CADPS2: variants seen among roughly 807,000 people sequenced by gnomAD.
CADPS2 encodes calcium dependent secretion activator 2.
Under a neutral mutation model 172.5 loss-of-function variants are expected in CADPS2, and 93 were observed. The observed-to-expected ratio is 0.54, with a 90% CI of 0.46 to 0.64. The LOEUF is 0.64. Ranked by LOEUF, CADPS2 falls within the 30% of genes least tolerant of loss-of-function variation. CADPS2 has a pLI of 0.00. For missense variants in CADPS2, 1,420 were observed against 1,565.9 expected, an observed-to-expected ratio of 0.91 and a Z score of 1.57; for synonymous variants, 546 against 555.2, an observed-to-expected ratio of 0.98 and a Z score of 0.23.
chr7:122,883,321 T>A (rs1823451642), intron 1 of CADPS2, among the ~76,000 whole-genome samples: 2 of 152,200 alleles, frequency 1.3e-5, no homozygotes, highest in South Asian at 4.1e-4. Flanking sequence ...TGATTAATTT[T>A]CTTCATAAAA....
At chr7:122,500,886 T>C (rs1031736043) in intron 9 of CADPS2, among the ~76,000 whole-genome samples, 2 of 152,146 alleles carry the variant, frequency 1.3e-5, no homozygotes, top group African/African-American at 4.8e-5. Flanking sequence ...TTGGAAGGTA[T>C]TGTGAACTGA....
chr7:122,506,740 A>G (rs10248213), intron 9 of CADPS2, among the ~76,000 whole-genome samples: 5 of 151,782 alleles, frequency 3.3e-5, no homozygotes, highest in African/African-American at 1.2e-4. Flanking sequence ...AAAAAAAAAA[A>G]AAACAAACAA....
intron 28 of CADPS2, among the ~76,000 whole-genome samples, chr7:122,336,752 G>A (rs1379662731): frequency 6.6e-6 from 1 of 152,162 alleles, no homozygotes; most frequent in African/African-American, 2.4e-5. Context: ...TGAAAGTTGT[G>A]TCACCTTCCA....
intron 3 of CADPS2, among the ~76,000 whole-genome samples, chr7:122,652,254 T>C (rs893855924): frequency 1.3e-5 from 2 of 151,904 alleles, no homozygotes; most frequent in African/African-American, 4.8e-5. Flanking sequence ...TCTCTCTACA[T>C]ATATATATAT....
At chr7:122,338,689 GT>G (rs1457205474) in intron 28 of CADPS2, among the ~76,000 whole-genome samples, 1 of 152,132 alleles carries the variant, frequency 6.6e-6, no homozygotes, top group East Asian at 1.9e-4. Context: ...CAACTATACA[GT>G]TATTAAAAAG....
chr7:122,562,074 T>G (rs372635119), intron 7 of CADPS2, among the ~76,000 whole-genome samples: 63 of 152,316 alleles, frequency 4.1e-4, no homozygotes, highest in African/African-American at 1.5e-3. Context: ...CTACAGTGTG[T>G]TGTTTACTTA....
intron 1 of CADPS2, among the ~76,000 whole-genome samples, chr7:122,793,367 G>T (rs37895): frequency 0.44 from 66,648 of 152,006 alleles, 17,087 homozygotes; most frequent in African/African-American, 0.72. Flanking sequence ...ATTGAGCCCT[G>T]TAACAATTAT....
At chr7:122,539,064 A>G (rs2062632883) in intron 8 of CADPS2, among the ~76,000 whole-genome samples, 1 of 152,138 alleles carries the variant, frequency 6.6e-6, no homozygotes. Context: ...TTTTACAAGG[A>G]TACACAACAT....
intron 8 of CADPS2, among the ~76,000 whole-genome samples, chr7:122,530,257 A>G (rs1484930847): frequency 1.3e-5 from 2 of 151,870 alleles, no homozygotes; most frequent in Non-Finnish European, 2.9e-5. Context: ...AAATTTCAAT[A>G]TAGTTTTCAA....
At chr7:122,823,464 G>A (rs1803980179) in intron 1 of CADPS2, among the ~76,000 whole-genome samples, 1 of 151,792 alleles carries the variant, frequency 6.6e-6, no homozygotes, top group Non-Finnish European at 1.5e-5. Flanking sequence ...TACTATAAGA[G>A]TATTGGCTAT....
chr7:122,471,649 G>T, intron 13 of CADPS2, 87 bp from the exon 14 acceptor site: 3 of 1,003,240 alleles, frequency 3.0e-6, no homozygotes, highest in Non-Finnish European at 4.3e-6. Context: ...GGCCTTATAA[G>T]CAGAAGCTGC....
At chr7:122,720,268 G>A (rs1210510633) in intron 2 of CADPS2, among the ~76,000 whole-genome samples, 1 of 151,794 alleles carries the variant, frequency 6.6e-6, no homozygotes, top group African/African-American at 2.4e-5. Context: ...TTTCTAGAAG[G>A]AATTTGAGAG....
At chr7:122,520,570 A>G (rs938684371) in intron 8 of CADPS2, among the ~76,000 whole-genome samples, 5 of 152,100 alleles carry the variant, frequency 3.3e-5, no homozygotes, top group African/African-American at 4.8e-5. Context: ...TATATCCCAT[A>G]TTATTCTAGT....
intron 18 of CADPS2, among the ~76,000 whole-genome samples, chr7:122,414,280 G>T: frequency 6.6e-6 from 1 of 152,018 alleles, no homozygotes; most frequent in East Asian, 1.9e-4. Flanking sequence ...AATTGTGTTT[G>T]GATACATTAT....
chr7:122,798,251 TC>T (rs1442099318), intron 1 of CADPS2, among the ~76,000 whole-genome samples: 2 of 152,156 alleles, frequency 1.3e-5, no homozygotes, highest in African/African-American at 2.4e-5. Context: ...CACATCCTCC[TC>T]CTTGACCCAA....
At chr7:122,687,494 C>T (rs938927321) in intron 2 of CADPS2, among the ~76,000 whole-genome samples, 2 of 152,182 alleles carry the variant, frequency 1.3e-5, no homozygotes, top group Non-Finnish European at 2.9e-5. Context: ...GTGTCACATA[C>T]CAGCTGTTTA....
chr7:122,707,885 G>A (rs66970091), intron 2 of CADPS2, among the ~76,000 whole-genome samples: 10,004 of 151,406 alleles, frequency 0.066, 372 homozygotes, highest in South Asian at 0.17. Context: ...ATAGTTTCAT[G>A]TAACAAAACT....
Position 122,581,166 on chromosome 7 carries a change from G to T in CADPS2, c.1335+13C>A. Reference sequence around the variant, plus strand: ...CTGTTCTACCCTGGACACACAGGCTGACCACAACTCACCCTTCCCAGTTCT... The same window carrying T: ...CTGTTCTACCCTGGACACACAGGCTTACCACAACTCACCCTTCCCAGTTCT... On this transcript the variant is annotated intron_variant, in intron 7 of 29. Coordinates refer to ENST00000449022, the MANE Select transcript of CADPS2 (RefSeq NM_017954.11). The T allele has an allele frequency of 6.2e-7, 1 of 1,601,758 alleles. No individual in the cohort carries two copies. The highest frequency in any genetic ancestry group is 8.6e-7 in the Non-Finnish European group (1 of 1,169,070).
intron 1 of CADPS2, among the ~76,000 whole-genome samples, chr7:122,845,043 T>A (rs376698939): frequency 3.9e-5 from 6 of 152,292 alleles, no homozygotes; most frequent in African/African-American, 1.4e-4. Flanking sequence ...GGCTTCCTAG[T>A]CACTATTCCC....
Sources: gnomAD v4.1 joint callset for allele counts (sites outside exome capture counted in the v4.1 genomes callset) on GRCh38, gnomAD v4.1.1 for gene constraint, MANE v1.5 for transcripts, NCBI Gene and HGNC (gene_info 2026-07-23, HGNC 2026-07-21) for gene names.